TENM3: variants seen among roughly 807,000 people sequenced by gnomAD.
TENM3 encodes the protein teneurin-3.
Under a neutral mutation model 255.1 loss-of-function variants are expected in TENM3, and 63 were observed. That is an observed-to-expected ratio of 0.25 (90% CI 0.20 to 0.30). TENM3 has a LOEUF of 0.30. Among genes scored for constraint, TENM3 ranks in the 10% least tolerant of loss-of-function variants. TENM3 has a pLI of 1.00. For synonymous variants in TENM3, 1,306 were observed against 1,322.3 expected, an observed-to-expected ratio of 0.99 and a Z score of 0.27; for missense variants, 2,929 against 3,461.1, an observed-to-expected ratio of 0.85 and a Z score of 3.86.
chr4:182,306,913 G>T (rs1306688006), intron 1 of TENM3, among the ~76,000 whole-genome samples: 1 of 152,112 alleles, frequency 6.6e-6, no homozygotes, highest in Non-Finnish European at 1.5e-5. Flanking sequence ...AGGCCTGCAG[G>T]CATGCTAAAG....
chr4:181,685,202 C>A, the TENM3 span, among the ~76,000 whole-genome samples: 1 of 152,038 alleles, frequency 6.6e-6, no homozygotes. Context: ...ATTCCTTCAC[C>A]TCTGGTGGAG....
At chr4:182,239,380 A>G (rs56337958), upstream of TENM3, among the ~76,000 whole-genome samples, 6,864 of 152,214 alleles carry the variant, frequency 0.045, 198 homozygotes, top group Non-Finnish European at 0.057. Flanking sequence ...CGCCCGGCCA[A>G]AAATCTTGCT....
At chr4:182,042,566 T>C in the TENM3 span, among the ~76,000 whole-genome samples, 1 of 152,188 alleles carries the variant, frequency 6.6e-6, no homozygotes, top group African/African-American at 2.4e-5. Context: ...CTTATTTTAA[T>C]ACAAAATTTA....
At chr4:181,731,391 T>C in the TENM3 span, among the ~76,000 whole-genome samples, 1 of 152,178 alleles carries the variant, frequency 6.6e-6, no homozygotes, top group Non-Finnish European at 1.5e-5. Flanking sequence ...TCTCACTTTG[T>C]CACCCGGGCT....
intron 5 of TENM3, among the ~76,000 whole-genome samples, chr4:182,642,402 A>G (rs2152495607): frequency 6.6e-6 from 1 of 152,348 alleles, no homozygotes; most frequent in Admixed American, 6.5e-5. Flanking sequence ...CCGCATCCAT[A>G]GGTGTCTTAC....
At chr4:182,057,750 T>C in the TENM3 span, among the ~76,000 whole-genome samples, 1 of 152,064 alleles carries the variant, frequency 6.6e-6, no homozygotes, top group African/African-American at 2.4e-5. Flanking sequence ...TCTTCCTACC[T>C]ACATGCCGAC....
At chr4:181,610,687 A>T in the TENM3 span, among the ~76,000 whole-genome samples, 2 of 151,950 alleles carry the variant, frequency 1.3e-5, no homozygotes, top group Non-Finnish European at 2.9e-5. Flanking sequence ...GGGAAGCAGG[A>T]TATTTAACAA....
chr4:181,772,770 G>A, the TENM3 span, among the ~76,000 whole-genome samples: 72 of 152,206 alleles, frequency 4.7e-4, no homozygotes, highest in African/African-American at 1.7e-3. Flanking sequence ...ACAGACCTTG[G>A]TTGTTTTTCA....
intron 1 of TENM3, among the ~76,000 whole-genome samples, chr4:182,159,765 C>A (rs1579542505): frequency 1.3e-5 from 2 of 152,134 alleles, no homozygotes; most frequent in Non-Finnish European, 2.9e-5. Flanking sequence ...GATGTCTTAT[C>A]CGGGAGCAGC....
the TENM3 span, among the ~76,000 whole-genome samples, chr4:182,043,154 G>A: frequency 0.021 from 3,185 of 152,050 alleles, 110 homozygotes; most frequent in African/African-American, 0.071. Context: ...GCATTCCTGC[G>A]TGCACACATA....
At chr4:182,500,322 C>T (rs1736191737) in intron 3 of TENM3, among the ~76,000 whole-genome samples, 1 of 151,964 alleles carries the variant, frequency 6.6e-6, no homozygotes, top group Non-Finnish European at 1.5e-5. Flanking sequence ...AGAGCTCTTA[C>T]AGATCAGTAA....
the TENM3 span, among the ~76,000 whole-genome samples, chr4:181,784,355 A>G: frequency 6.6e-6 from 1 of 152,092 alleles, no homozygotes; most frequent in Non-Finnish European, 1.5e-5. Context: ...GATATGCTAT[A>G]TTAATAAAAT....
At chr4:182,253,995 T>C (rs757511132) in intron 1 of TENM3, among the ~76,000 whole-genome samples, 11 of 152,156 alleles carry the variant, frequency 7.2e-5, no homozygotes, top group Non-Finnish European at 1.3e-4. Flanking sequence ...TTAGTCAGTC[T>C]ACATTTCCTT....
chr4:182,778,728 G>C (rs1764897541), intron 24 of TENM3, among the ~76,000 whole-genome samples: 1 of 152,024 alleles, frequency 6.6e-6, no homozygotes, highest in African/African-American at 2.4e-5. Context: ...TTACAATCAT[G>C]CTGGACATGA....
intron 3 of TENM3, among the ~76,000 whole-genome samples, chr4:182,392,125 C>T (rs1262836971): frequency 6.6e-6 from 1 of 152,108 alleles, no homozygotes; most frequent in Non-Finnish European, 1.5e-5. Context: ...GTTCTTTTAT[C>T]TCAAATGGGG....
the TENM3 span, among the ~76,000 whole-genome samples, chr4:182,047,848 T>C: frequency 6.6e-6 from 1 of 152,152 alleles, no homozygotes; most frequent in African/African-American, 2.4e-5. Flanking sequence ...TTTCCAATTA[T>C]GACGTTATTT....
chr4:182,576,278 C>T (rs1485185191), intron 3 of TENM3, among the ~76,000 whole-genome samples: 4 of 152,038 alleles, frequency 2.6e-5, no homozygotes. Flanking sequence ...GGGATAAAAA[C>T]GAAAACAATT....
At chr4:182,706,860 G>T (rs943231138) in intron 12 of TENM3, among the ~76,000 whole-genome samples, 1 of 151,836 alleles carries the variant, frequency 6.6e-6, no homozygotes. Context: ...AGGCCGAGGT[G>T]GGAGGATCAC....
At chr4:182,621,750 T>TAAAATA (rs1382746430) in intron 4 of TENM3, among the ~76,000 whole-genome samples, 1 of 27,460 alleles carries the variant, frequency 3.6e-5, no homozygotes, top group African/African-American at 1.2e-4. Context: ...ATATAATATA[T>TAAAATA]TATAATATAT....
Sources: gnomAD v4.1 joint callset for allele counts (sites outside exome capture counted in the v4.1 genomes callset) on GRCh38, gnomAD v4.1.1 for gene constraint, MANE v1.5 for transcripts, NCBI Gene and HGNC (gene_info 2026-07-23, HGNC 2026-07-21) for gene names.